RBKS: variants seen among roughly 807,000 people sequenced by gnomAD.
RBKS encodes ribokinase.
Under a neutral mutation model 33.9 loss-of-function variants are expected in RBKS, and 33 were observed. The observed-to-expected ratio is 0.97, with a 90% confidence interval of 0.74 to 1.30. RBKS has a LOEUF of 1.30. Among genes scored for constraint, RBKS ranks in the 50% most tolerant of loss-of-function variants. The probability of loss-of-function intolerance (pLI) is 0.00; values close to 1 mark genes in which losing one functional copy is unlikely to be tolerated. For missense variants in RBKS, 361 were observed against 392.6 expected (o/e 0.92, Z 0.68); for synonymous variants, 125 against 143.0 (o/e 0.87, Z 0.90).
intron 7 of RBKS, among the ~76,000 whole-genome samples, chr2:27,826,076 A>G (rs1408940364): frequency 6.6e-6 from 1 of 152,248 alleles, no homozygotes; most frequent in Non-Finnish European, 1.5e-5. Flanking sequence ...ATGACTAAAT[A>G]TGAAGAGAAT....
intron 5 of RBKS, 87 bp downstream of exon 5, chr2:27,842,980 T>C: frequency 1.0e-6 from 1 of 952,794 alleles, no homozygotes; most frequent in South Asian, 2.2e-5. Flanking sequence ...ACAGAAAGAG[T>C]ATTGCTTTGC....
intron 7 of RBKS, among the ~76,000 whole-genome samples, chr2:27,802,746 C>G (rs1677824337): frequency 1.3e-5 from 2 of 152,266 alleles, no homozygotes; most frequent in South Asian, 4.1e-4. Context: ...TGTTTACCTC[C>G]ATTTACAGTC....
At chr2:27,832,657 A>G (rs1231682076) in intron 6 of RBKS, 29 bp downstream of exon 6, 4 of 1,500,854 alleles carry the variant, frequency 2.7e-6, no homozygotes, top group South Asian at 1.1e-5. Context: ...TTGGTTTCTC[A>G]TAGAATGAGC....
chr2:27,836,388 A>T (rs184988783), intron 5 of RBKS, among the ~76,000 whole-genome samples: 2 of 152,322 alleles, frequency 1.3e-5, no homozygotes, highest in Middle Eastern at 3.4e-3. Context: ...AAAAACAAGC[A>T]ATGGGGAAAA....
intron 7 of RBKS, among the ~76,000 whole-genome samples, chr2:27,815,178 TG>T (rs1678063349): frequency 6.6e-6 from 1 of 152,114 alleles, no homozygotes; most frequent in South Asian, 2.1e-4. Context: ...CCCACTGCCA[TG>T]GGCTCTATGG....
At chr2:27,873,304 C>G (rs1476627273) in intron 1 of RBKS, among the ~76,000 whole-genome samples, 1 of 152,228 alleles carries the variant, frequency 6.6e-6, no homozygotes, top group Non-Finnish European at 1.5e-5. Flanking sequence ...ACATTCTACA[C>G]AGCTGCTATT....
chr2:27,859,557 T>C (rs774789561), intron 1 of RBKS, among the ~76,000 whole-genome samples: 3 of 152,242 alleles, frequency 2.0e-5, no homozygotes, highest in East Asian at 3.9e-4. Flanking sequence ...AAGGAAATGA[T>C]TGACTTTAAA....
At chr2:27,889,316 C>G (rs1436295792) in intron 1 of RBKS, among the ~76,000 whole-genome samples, 1 of 152,052 alleles carries the variant, frequency 6.6e-6, no homozygotes, top group East Asian at 1.9e-4. Context: ...TCTCTATTAC[C>G]CTTTGGAAAA....
intron 2 of RBKS, among the ~76,000 whole-genome samples, chr2:27,854,531 A>T (rs1432423572): frequency 6.6e-6 from 1 of 152,224 alleles, no homozygotes; most frequent in Non-Finnish European, 1.5e-5. Flanking sequence ...ACTGGACCCA[A>T]GATAGTTTAC....
In RBKS at chr2:27,890,186, C is replaced by G; in HGVS notation, c.89+71G>C. On this transcript the variant is annotated intron_variant, in intron 1 of 7. Transcript: ENST00000302188. The surrounding 1 kb of genome is among the most constrained non-coding windows in gnomAD (Gnocchi z 4.8). ...CCTGGAGACCCAGCGCCCAAAAGCTCCACTGGGCGCATAGCGCACGGCACG... is the reference window on the plus strand; with the variant it reads ...CCTGGAGACCCAGCGCCCAAAAGCTGCACTGGGCGCATAGCGCACGGCACG... The G allele has an allele frequency of 6.8e-7, 1 of 1,472,036 alleles. No individual in the cohort carries two copies. Among genetic ancestry groups the G allele is most frequent in the Admixed American group, 1.7e-5 (1 of 58,114 alleles). 91.2% of individuals were successfully genotyped at this position (1,472,036 alleles called of 1,614,324 possible).
chr2:27,794,588 A>G (rs1419840230), intron 7 of RBKS, among the ~76,000 whole-genome samples: 1 of 150,924 alleles, frequency 6.6e-6, no homozygotes, highest in Non-Finnish European at 1.5e-5. Flanking sequence ...CCATGAAACA[A>G]TGAGAGGACT....
chr2:27,877,266 G>A (rs1490737168), intron 1 of RBKS, among the ~76,000 whole-genome samples: 8 of 151,762 alleles, frequency 5.3e-5, no homozygotes, highest in Admixed American at 5.2e-4. Context: ...TTGTTACATG[G>A]GTGGTTGAGC....
intron 1 of RBKS, among the ~76,000 whole-genome samples, chr2:27,879,398 A>C (rs1461260945): frequency 6.6e-6 from 1 of 152,148 alleles, no homozygotes; most frequent in Non-Finnish European, 1.5e-5. Context: ...AGTTTAGGTC[A>C]TGAGAGCTCT....
rs1176429611 is a variant in RBKS, at chr2:27,856,226, C to A, written c.222+2213G>T. Among the ~76,000 whole-genome samples the A allele has an allele frequency of 9.2e-5, 14 of 152,330 alleles. No homozygotes were observed. The South Asian group carries it at 2.9e-3, about 32-fold the overall frequency. ...ACCCTGGATAGGTTTTAGCTGCAGT[C>A]ATGTTTTTTGATCCTCTGCTAGGCA... On this transcript the variant is annotated intron_variant, in intron 2 of 7. Coordinates refer to ENST00000302188, the MANE Select transcript of RBKS (RefSeq NM_022128.3).
chr2:27,841,741 C>CACAT (rs1378797350), intron 5 of RBKS, among the ~76,000 whole-genome samples: 5 of 151,716 alleles, frequency 3.3e-5, no homozygotes, highest in Non-Finnish European at 7.4e-5. Flanking sequence ...CACACACACA[C>CACAT]ACACACACAC....
intron 7 of RBKS, among the ~76,000 whole-genome samples, chr2:27,819,490 T>C (rs770474542): frequency 6.6e-6 from 1 of 152,216 alleles, no homozygotes; most frequent in Non-Finnish European, 1.5e-5. Context: ...CCATCTTTCA[T>C]GAACCATTCC....
Position 27,810,181 on chromosome 2 carries a change from C to T in RBKS, c.795+17386G>A, listed in dbSNP as rs1222717132. The T allele has an allele frequency of 1.9e-5, 21 of 1,128,888 alleles. No individual in the cohort carries two copies. In the East Asian group the frequency reaches 5.9e-4, roughly 32 times the overall value. 69.9% of individuals were successfully genotyped at this position (1,128,888 alleles called of 1,614,324 possible). On this transcript the variant is annotated intron_variant, in intron 7 of 7. Coordinates refer to ENST00000302188, the MANE Select transcript of RBKS (RefSeq NM_022128.3). The surrounding 1 kb of genome is among the most constrained non-coding windows in gnomAD (Gnocchi z 4.4). ...TATATTTGTCTACACAACCCAAATTCGTCATATACTGGCTGATTTGTCACT... is the reference window on the plus strand; with the variant it reads ...TATATTTGTCTACACAACCCAAATTTGTCATATACTGGCTGATTTGTCACT...
At position 27,795,406 on chromosome 2, in the gene RBKS, ACT is replaced by A. The variant is rs1388896053; in HGVS notation, c.796-13620_796-13619del. On this transcript the variant is annotated intron_variant, in intron 7 of 7. Transcript: ENST00000302188. This position sits in a 1 kb window ranked among gnomAD's most constrained non-coding sequence, Gnocchi z 4.1. ...TCACATTACATCCAACAGTGGAAAA[ACT>A]CTTTGAAATTTAAACATAAAAGGGG... 1.3e-5 allele frequency among the ~76,000 whole-genome samples: 2 copies of A among 151,842 alleles called. No homozygotes were observed. The highest frequency in any genetic ancestry group is 2.9e-5 in the Non-Finnish European group (2 of 67,966).
intron 1 of RBKS, among the ~76,000 whole-genome samples, chr2:27,859,081 T>C (rs1663919962): frequency 6.6e-6 from 1 of 152,144 alleles, no homozygotes; most frequent in Admixed American, 6.5e-5. Flanking sequence ...TAAAGAATCT[T>C]TTTTGTTTAC....
Sources: allele counts gnomAD v4.1 joint callset (sites outside exome capture counted in the v4.1 genomes callset), GRCh38; gene constraint gnomAD v4.1.1; non-coding constraint Gnocchi (gnomAD v3.1); transcripts MANE v1.5; gene names NCBI Gene and HGNC (gene_info 2026-07-23, HGNC 2026-07-21).